The following RBFOX1 variants were observed in gnomAD, a reference collection of about 807,000 sequenced individuals.
RBFOX1 encodes the protein RNA binding fox-1 homolog 1.
Under a neutral mutation model 57.7 loss-of-function variants are expected in RBFOX1, and 8 were observed. The ratio of observed to expected loss-of-function variants is 0.14; its 90% CI spans 0.08 to 0.25. The LOEUF is 0.25. Ranked by LOEUF, RBFOX1 falls within the 10% of genes least tolerant of loss-of-function variation. RBFOX1 has a pLI of 1.00. For synonymous variants in RBFOX1, 326 were observed against 222.4 expected, an observed-to-expected ratio of 1.47 and a Z score of -4.15; for missense variants, 611 against 548.5, an observed-to-expected ratio of 1.11 and a Z score of -1.14.
intron 4 of RBFOX1, among the ~76,000 whole-genome samples, chr16:7,394,736 G>A (rs886748282): frequency 2.0e-5 from 3 of 152,150 alleles, no homozygotes; most frequent in African/African-American, 7.2e-5. Context: ...ACAGCAGTTT[G>A]AATTCTCCTT....
chr16:7,525,262 G>T (rs1467636898), intron 5 of RBFOX1, among the ~76,000 whole-genome samples: 1 of 152,116 alleles, frequency 6.6e-6, no homozygotes, highest in Non-Finnish European at 1.5e-5. Flanking sequence ...AGATTATTCT[G>T]TATCATATTT....
chr16:6,359,873 A>T (rs2088113027), intron 2 of RBFOX1, among the ~76,000 whole-genome samples: 1 of 152,234 alleles, frequency 6.6e-6, no homozygotes, highest in African/African-American at 2.4e-5. Flanking sequence ...TATAGAAATT[A>T]TAAAGCTTCA....
At position 6,339,200 on chromosome 16, in the gene RBFOX1, A is replaced by C. The variant is rs184847739; in HGVS notation, c.-64+22143A>C. Among the ~76,000 whole-genome samples, 14 of 152,356 alleles carry C rather than the reference A, an allele frequency of 9.2e-5. No individual in the cohort carries two copies. The East Asian group carries it at 2.5e-3, about 27-fold the overall frequency. The stretch of plus-strand genomic sequence containing the variant: ...GGCCAAGTTGACAGAGTAACTGGCC[A>C]TCCCAGGATTTCCACAATTGAGGAG... On this transcript the variant is annotated intron_variant, in intron 2 of 15. Coordinates refer to ENST00000550418, the MANE Select transcript of RBFOX1 (RefSeq NM_018723.4).
chr16:6,110,142 A>G (rs959688976), intron 1 of RBFOX1, among the ~76,000 whole-genome samples: 2 of 151,234 alleles, frequency 1.3e-5, no homozygotes, highest in African/African-American at 4.9e-5. Flanking sequence ...TATTTTGTGG[A>G]TGATCACAAC....
chr16:5,782,018 C>G (rs773275671), intron 3 of RBFOX1, among the ~76,000 whole-genome samples: 2 of 152,132 alleles, frequency 1.3e-5, no homozygotes, highest in African/African-American at 2.4e-5. Flanking sequence ...CCAGCCTGGG[C>G]CAACATGGTG....
chr16:6,369,441 C>G (rs1302833176), intron 2 of RBFOX1, among the ~76,000 whole-genome samples: 1 of 152,188 alleles, frequency 6.6e-6, no homozygotes, highest in Non-Finnish European at 1.5e-5. Context: ...CATAGCATCT[C>G]TACCCAACAG....
intron 5 of RBFOX1, among the ~76,000 whole-genome samples, chr16:7,555,059 G>T (rs1000299455): frequency 6.6e-6 from 1 of 152,098 alleles, no homozygotes; most frequent in African/African-American, 2.4e-5. Flanking sequence ...GAATAAATCG[G>T]ATAAAGGGTA....
intron 11 of RBFOX1, among the ~76,000 whole-genome samples, chr16:7,651,327 C>A (rs1010280776): frequency 2.0e-5 from 3 of 152,144 alleles, no homozygotes; most frequent in Admixed American, 1.3e-4. Context: ...GCTGCTGTGG[C>A]AAACCCCACC....
chr16:6,127,413 A>T (rs1414569924), intron 1 of RBFOX1, among the ~76,000 whole-genome samples: 2 of 152,066 alleles, frequency 1.3e-5, no homozygotes, highest in African/African-American at 4.8e-5. Context: ...AATTCAAGAA[A>T]TGTTTGAGCA....
chr16:5,978,678 G>T (rs74343425), intron 4 of RBFOX1, among the ~76,000 whole-genome samples: 4,065 of 141,292 alleles, frequency 0.029, 82 homozygotes, highest in African/African-American at 0.06. Context: ...TTTTTTGTTT[G>T]TTTTTTTTTT....
At chr16:6,562,891 T>TC (rs2097202164) in intron 2 of RBFOX1, among the ~76,000 whole-genome samples, 2 of 142,478 alleles carry the variant, frequency 1.4e-5, no homozygotes, top group Admixed American at 1.4e-4. Context: ...TTTTTTTTTT[T>TC]TTTTTTTGCA....
intron 2 of RBFOX1, among the ~76,000 whole-genome samples, chr16:6,559,328 A>G (rs1020502175): frequency 1.3e-5 from 2 of 151,688 alleles, no homozygotes; most frequent in Non-Finnish European, 2.9e-5. Flanking sequence ...TATTTAGAAC[A>G]TGTATATGTA....
At chr16:7,696,919 C>T (rs1354986995) in intron 14 of RBFOX1, among the ~76,000 whole-genome samples, 1 of 152,076 alleles carries the variant, frequency 6.6e-6, no homozygotes, top group South Asian at 2.1e-4. Flanking sequence ...CTTGAGGTGT[C>T]CAGGAGTAAG....
chr16:7,567,818 T>TAC (rs1359347221), intron 5 of RBFOX1, among the ~76,000 whole-genome samples: 2 of 149,334 alleles, frequency 1.3e-5, no homozygotes, highest in African/African-American at 2.5e-5. Context: ...CCCATATATA[T>TAC]ACCTATATAT....
chr16:7,131,368 A>T (rs2151973412), intron 4 of RBFOX1, among the ~76,000 whole-genome samples: 1 of 147,638 alleles, frequency 6.8e-6, no homozygotes, highest in South Asian at 2.2e-4. Context: ...TTTTTTTAAA[A>T]AAAAAAAAAA....
chr16:7,433,296 C>G (rs2098696745), intron 4 of RBFOX1, among the ~76,000 whole-genome samples: 1 of 152,176 alleles, frequency 6.6e-6, no homozygotes, highest in African/African-American at 2.4e-5. Flanking sequence ...AATTCAAACC[C>G]TAAGCTCTTA....
chr16:6,762,916 G>T (rs778105757), intron 3 of RBFOX1, among the ~76,000 whole-genome samples: 2 of 152,172 alleles, frequency 1.3e-5, no homozygotes, highest in Non-Finnish European at 2.9e-5. Flanking sequence ...GAGAAAGGTA[G>T]CATCTGAGCT....
intron 4 of RBFOX1, among the ~76,000 whole-genome samples, chr16:5,873,142 C>G (rs955060970): frequency 6.6e-6 from 1 of 151,908 alleles, no homozygotes; most frequent in African/African-American, 2.4e-5. Flanking sequence ...CAGAGCAAGA[C>G]TCCATCTCAA....
At chr16:6,791,856 T>C (rs912970552) in intron 3 of RBFOX1, among the ~76,000 whole-genome samples, 3 of 152,176 alleles carry the variant, frequency 2.0e-5, no homozygotes, top group Non-Finnish European at 4.4e-5. Flanking sequence ...TCAATACTTT[T>C]ATATATTAAG....
Sources: gnomAD v4.1 joint callset for allele counts (sites outside exome capture counted in the v4.1 genomes callset) on GRCh38, gnomAD v4.1.1 for gene constraint, MANE v1.5 for transcripts, NCBI Gene and HGNC (gene_info 2026-07-23, HGNC 2026-07-21) for gene names.